Variants in EDEM3 observed in about 807,000 individuals in gnomAD.
The protein encoded by EDEM3 is ER degradation-enhancing alpha-mannosidase-like protein 3.
Under a neutral mutation model 110.2 loss-of-function variants are expected in EDEM3, and 60 were observed. The ratio of observed to expected loss-of-function variants is 0.54; its 90% confidence interval spans 0.44 to 0.67. The LOEUF (loss-of-function observed/expected upper bound fraction) is 0.67. Among genes scored for constraint, EDEM3 ranks in the 30% least tolerant of loss-of-function variants. The pLI is 0.00. For synonymous variants in EDEM3, 352 were observed against 382.9 expected, an observed-to-expected ratio of 0.92 and a Z score of 0.94; for missense variants, 996 against 1,121.0, an observed-to-expected ratio of 0.89 and a Z score of 1.59.
In EDEM3 at chr1:184,754,542, G is replaced by A. The variant is rs1558079461; in HGVS notation, c.105C>T (p.Ser35=). 1 of 1,612,942 alleles carries A rather than the reference G, an allele frequency of 6.2e-7. No homozygotes were observed. The change falls in exon 1 of 20, where the codon TCC becomes TCT. Residue 35 remains serine, a synonymous_variant. Transcript: ENST00000318130. The part of the protein sequence containing the change: ...TAAFCLVSAT[S]VWTAGAEPMS... Reference sequence around the variant, plus strand: ...TGGGCTCGGCCCCCGCCGTCCACACGGAGGTGGCCGACACCAGGCAGAACG... The same window carrying A: ...TGGGCTCGGCCCCCGCCGTCCACACAGAGGTGGCCGACACCAGGCAGAACG...
intron 19 of EDEM3, among the ~76,000 whole-genome samples, chr1:184,701,328 AATT>A (rs1328247543): frequency 2.0e-5 from 3 of 152,070 alleles, no homozygotes; most frequent in African/African-American, 7.2e-5. Flanking sequence ...TAGAATTTAA[AATT>A]ATTATGTGAC....
At position 184,711,880 on chromosome 1, in the gene EDEM3, A is replaced by G; in HGVS notation, c.1537-3T>C. ...TCCAGTTCTGTATATTCCGAGGTCT[A>G]CAAGAGAAAAACATTTTATGTAAAC... On this transcript the variant is annotated splice_polypyrimidine_tract_variant and splice_region_variant and intron_variant, in intron 14 of 19. Transcript: ENST00000318130. 1.3e-6 allele frequency: 2 copies of G among 1,578,930 alleles called. No individual in the cohort carries two copies. The highest frequency in any genetic ancestry group is 1.4e-5 in the African/African-American group (1 of 72,932).
intron 1 of EDEM3, among the ~76,000 whole-genome samples, chr1:184,752,542 A>G (rs1029342124): frequency 6.6e-6 from 1 of 152,224 alleles, no homozygotes; most frequent in African/African-American, 2.4e-5. Flanking sequence ...ACTTTCATAA[A>G]TGATCTCAAA....
intron 19 of EDEM3, among the ~76,000 whole-genome samples, chr1:184,696,251 G>A (rs1649322413): frequency 6.6e-6 from 1 of 151,836 alleles, no homozygotes; most frequent in Non-Finnish European, 1.5e-5. Context: ...TAGATACTAT[G>A]CAAAGAGAAT....
At position 184,749,732 on chromosome 1, in the gene EDEM3, T is replaced by G. The variant is rs1050467104; in HGVS notation, c.159-140A>C. 3.3e-5 allele frequency: 22 copies of G among 663,786 alleles called. No homozygotes were observed. The Middle Eastern group carries it at 1.3e-3, about 39-fold the overall frequency. 41.1% of individuals were successfully genotyped at this position (663,786 alleles called of 1,614,324 possible). ...AGAAAAATTTAGGTAGAAAGGGACATAAACAGAATCAGAAACTACAACAGC... is the reference window on the plus strand; with the variant it reads ...AGAAAAATTTAGGTAGAAAGGGACAGAAACAGAATCAGAAACTACAACAGC... On this transcript the variant is annotated intron_variant, in intron 1 of 19. Transcript: ENST00000318130.
chr1:184,747,850 A>G (rs1416299273), intron 2 of EDEM3, among the ~76,000 whole-genome samples: 2 of 152,266 alleles, frequency 1.3e-5, no homozygotes, highest in Admixed American at 6.5e-5. Context: ...TGCCATTGAT[A>G]TAACTGTTCT....
chr1:184,753,128 A>G (rs1007131596), intron 1 of EDEM3, among the ~76,000 whole-genome samples: 11 of 152,098 alleles, frequency 7.2e-5, no homozygotes, highest in African/African-American at 2.7e-4. Context: ...ATAAAGTAAG[A>G]CCTGATGGTT....
intron 2 of EDEM3, among the ~76,000 whole-genome samples, chr1:184,746,777 G>T (rs1267365702): frequency 6.6e-6 from 1 of 152,092 alleles, no homozygotes; most frequent in Non-Finnish European, 1.5e-5. Flanking sequence ...TAAAGGAATT[G>T]TTCTACTGTA....
intron 9 of EDEM3, 63 bp downstream of exon 9, chr1:184,721,226 G>T: frequency 1.6e-6 from 2 of 1,268,684 alleles, no homozygotes; most frequent in Non-Finnish European, 2.2e-6. Flanking sequence ...AGGTAATGGA[G>T]TTTCTATAAA....
intron 2 of EDEM3, among the ~76,000 whole-genome samples, chr1:184,742,415 G>A (rs1049731367): frequency 3.1e-4 from 47 of 151,552 alleles, no homozygotes; most frequent in African/African-American, 1.1e-3. Context: ...TTTTTGAAAC[G>A]GAGTCTCACT....
intron 2 of EDEM3, among the ~76,000 whole-genome samples, chr1:184,740,110 A>G (rs1652054182): frequency 6.6e-6 from 1 of 152,210 alleles, no homozygotes; most frequent in South Asian, 2.1e-4. Flanking sequence ...GCTGATCTTT[A>G]TATTTCCTTC....
At chr1:184,700,307 C>G (rs1392754347) in intron 19 of EDEM3, among the ~76,000 whole-genome samples, 1 of 151,916 alleles carries the variant, frequency 6.6e-6, no homozygotes, top group Non-Finnish European at 1.5e-5. Context: ...ACTTCTTAAT[C>G]AGCATTGTGT....
In EDEM3 at chr1:184,754,698, A is replaced by T; in HGVS notation, c.-52T>A. On this transcript the variant is annotated 5_prime_UTR_variant, in exon 1 of 20. It removes an upstream start codon present in the reference 5' UTR. Transcript: ENST00000318130. The stretch of plus-strand genomic sequence containing the variant: ...CTGCTACGCCCGGCCGGTGAGACAC[A>T]TTGCTGGACGCTGGTGGCCAGGGGG... 2 of 1,477,672 alleles carry T rather than the reference A, an allele frequency of 1.4e-6. No individual in the cohort carries two copies. The highest frequency in any genetic ancestry group is 1.8e-6 in the Non-Finnish European group (2 of 1,117,304). 91.5% of individuals were successfully genotyped at this position (1,477,672 alleles called of 1,614,324 possible).
intron 6 of EDEM3, among the ~76,000 whole-genome samples, chr1:184,731,452 T>C (rs1403545243): frequency 6.6e-6 from 1 of 152,244 alleles, no homozygotes; most frequent in Non-Finnish European, 1.5e-5. Flanking sequence ...AGGCTCTGTT[T>C]GCACCCAATT....
chr1:184,721,884 T>C (rs779299437), intron 8 of EDEM3, among the ~76,000 whole-genome samples: 2 of 152,000 alleles, frequency 1.3e-5, no homozygotes, highest in South Asian at 4.1e-4. Context: ...CTAGACCACT[T>C]AGAACTGAAC....
chr1:184,712,348 T>C, intron 14 of EDEM3, 85 bp downstream of exon 14: 2 of 1,240,682 alleles, frequency 1.6e-6, no homozygotes. Flanking sequence ...ATTTATTGAA[T>C]TCTACTCATG....
At chr1:184,739,996 C>G (rs542599888) in intron 2 of EDEM3, among the ~76,000 whole-genome samples, 6 of 152,226 alleles carry the variant, frequency 3.9e-5, no homozygotes, top group African/African-American at 9.6e-5. Flanking sequence ...CGAGCCAGGG[C>G]TAGGCTCTTT....
At chr1:184,731,705 C>T (rs1191215665) in intron 6 of EDEM3, among the ~76,000 whole-genome samples, 1 of 152,148 alleles carries the variant, frequency 6.6e-6, no homozygotes, top group Non-Finnish European at 1.5e-5. Context: ...AATTCTGTGC[C>T]CAAGTTCTGG....
intron 2 of EDEM3, among the ~76,000 whole-genome samples, chr1:184,747,242 G>A (rs1652481819): frequency 6.6e-6 from 1 of 152,092 alleles, no homozygotes; most frequent in Non-Finnish European, 1.5e-5. Flanking sequence ...TGCTCAGATG[G>A]GTTAAATAAC....
Sources: gnomAD v4.1 joint callset for allele counts (sites outside exome capture counted in the v4.1 genomes callset) on GRCh38, gnomAD v4.1.1 for gene constraint, MANE v1.5 for transcripts, NCBI Gene and HGNC (gene_info 2026-07-23, HGNC 2026-07-21) for gene names.